NOTCH2NLA: variants seen among roughly 807,000 people sequenced by gnomAD.
NOTCH2NLA encodes notch homolog 2 N-terminal-like protein A.
At chr1:146,229,016 G>C (rs781922162) in exon 1 of NOTCH2NLA, 98 of 1,339,102 alleles carry the variant, frequency 7.3e-5, no homozygotes, top group South Asian at 4.4e-4. Context: ...AAACTTTCTC[G>C]GGTGTGCAGC....
intron 3 of NOTCH2NLA, among the ~76,000 whole-genome samples, chr1:146,158,091 A>C (rs1197692647): frequency 1.3e-5 from 2 of 151,384 alleles, no homozygotes; most frequent in Non-Finnish European, 2.9e-5. Flanking sequence ...TGGTATTCAC[A>C]TGGCTGGCTT....
At chr1:146,220,182 T>C (rs61814557) in intron 1 of NOTCH2NLA, among the ~76,000 whole-genome samples, 3 of 1,466 alleles carry the variant, frequency 2.0e-3, no homozygotes, top group Non-Finnish European at 2.5e-3. Context: ...TTACTTACTT[T>C]AAATAGTAAC....
chr1:146,207,819 T>C (rs1375453643), intron 1 of NOTCH2NLA, among the ~76,000 whole-genome samples: 3 of 83,666 alleles, frequency 3.6e-5, no homozygotes, highest in African/African-American at 1.3e-4. Flanking sequence ...CACTTTCTTT[T>C]TTTTTTTTTT....
rs1167011767 is a variant in NOTCH2NLA, at chr1:146,187,530, C to T, written c.38+1770G>A. On this transcript the variant is annotated intron_variant, in intron 2 of 4. Coordinates refer to ENST00000362074, the Ensembl canonical transcript of NOTCH2NLA. ...ATAAGAAACATGTGCATGACGGTATCTACTTAGCACCTTTTAGTTTAAGAA... is the reference window on the plus strand; with the variant it reads ...ATAAGAAACATGTGCATGACGGTATTTACTTAGCACCTTTTAGTTTAAGAA... 1.5e-5 allele frequency among the ~76,000 whole-genome samples: 2 copies of T among 135,838 alleles called. 1 individual carries two copies. The highest frequency in any genetic ancestry group is 4.1e-4 in the East Asian group (2 of 4,926). The allele number at this position is 135,838 out of a possible 152,430, so 89.1% of individuals were successfully genotyped here. A position where few individuals can be genotyped will look rare whatever the true frequency, so the allele number is the denominator to read the frequency against.
intron 3 of NOTCH2NLA, among the ~76,000 whole-genome samples, chr1:146,159,595 C>T (rs28753684): frequency 7.2e-6 from 1 of 138,074 alleles, no homozygotes; most frequent in Non-Finnish European, 1.6e-5. Context: ...TGAGGTATAG[C>T]GCTATCACAA....
chr1:146,228,947 C>G (rs782405446), exon 1 of NOTCH2NLA: 2 of 1,445,880 alleles, frequency 1.4e-6, no homozygotes, highest in Non-Finnish European at 1.8e-6. Context: ...CTCGACTCCC[C>G]GCGCCCCGAG....
At position 146,186,006 on chromosome 1, in the gene NOTCH2NLA, T is replaced by A. The variant is rs587629810; in HGVS notation, c.38+3294A>T. ...AGGTACACATTATTTTTGCATAAAA[T>A]TTTGCTTAAAATTCTGTGGAGGCTG... On this transcript the variant is annotated intron_variant, in intron 2 of 4. Coordinates refer to ENST00000362074, the Ensembl canonical transcript of NOTCH2NLA. 2.4e-4 allele frequency among the ~76,000 whole-genome samples: 33 copies of A among 135,742 alleles called. 1 individual carries two copies. In the East Asian group the frequency reaches 5.7e-3, roughly 23 times the overall value. The allele number at this position is 135,742 out of a possible 152,430, so 89.1% of individuals were successfully genotyped here.
intron 2 of NOTCH2NLA, among the ~76,000 whole-genome samples, chr1:146,180,296 G>T (rs1372603881): frequency 7.0e-6 from 1 of 143,114 alleles, no homozygotes; most frequent in African/African-American, 2.4e-5. Context: ...AAACTGGATA[G>T]AATGCTATAG....
intron 1 of NOTCH2NLA, among the ~76,000 whole-genome samples, chr1:146,200,466 C>T (rs1291749458): frequency 4.5e-5 from 1 of 22,398 alleles, no homozygotes; most frequent in Non-Finnish European, 8.4e-5. Flanking sequence ...TATTCCTGAA[C>T]TTCAATTTTT....
rs1315807735 is a variant in NOTCH2NLA at position 146,200,263 on chromosome 1, CA to C, written c.-44-10883del. 1.0e-3 allele frequency among the ~76,000 whole-genome samples: 25 copies of C among 24,820 alleles called. 2 individuals are homozygous for C. In the South Asian group the frequency reaches 0.031, roughly 31 times the overall value. The allele number at this position is 24,820 out of a possible 152,430, so 16.3% of individuals were successfully genotyped here. On this transcript the variant is annotated intron_variant, in intron 1 of 4. Transcript: ENST00000362074. ...TGAAACCCCATCTCTACTAAAAGTA[CA>C]AAAAAAAAATTAGCTGGGCATGGTG...
intron 2 of NOTCH2NLA, among the ~76,000 whole-genome samples, chr1:146,174,672 C>G (rs1306254334): frequency 3.5e-5 from 5 of 143,872 alleles, no homozygotes; most frequent in African/African-American, 4.9e-5. Flanking sequence ...GCAGAAAATT[C>G]TTTAAACAGA....
At chr1:146,188,070 TG>T (rs1421601997) in intron 2 of NOTCH2NLA, among the ~76,000 whole-genome samples, 1 of 128,060 alleles carries the variant, frequency 7.8e-6, no homozygotes, top group Non-Finnish European at 1.8e-5. Context: ...CAGATCTCAC[TG>T]GAAAAAAGTT....
chr1:146,176,596 T>TAAA (rs1486405530), intron 2 of NOTCH2NLA, among the ~76,000 whole-genome samples: 3 of 138,710 alleles, frequency 2.2e-5, no homozygotes, highest in Non-Finnish European at 5.0e-5. Context: ...CTCTCCTTTA[T>TAAA]GCGCTATACT....
chr1:146,187,785 A>C (rs1434744744), intron 2 of NOTCH2NLA, among the ~76,000 whole-genome samples: 1 of 136,588 alleles, frequency 7.3e-6, no homozygotes, highest in African/African-American at 2.5e-5. Context: ...CTAAGGTATT[A>C]AGTTCCCTCC....
chr1:146,195,116 A>T (rs1663114981), intron 1 of NOTCH2NLA, among the ~76,000 whole-genome samples: 2 of 109,822 alleles, frequency 1.8e-5, no homozygotes, highest in Non-Finnish European at 1.9e-5. Flanking sequence ...CTGCTTTTTC[A>T]CTTTTAAGTT....
intron 2 of NOTCH2NLA, among the ~76,000 whole-genome samples, chr1:146,173,130 G>T (rs1323612047): frequency 6.8e-6 from 1 of 147,150 alleles, no homozygotes; most frequent in Non-Finnish European, 1.5e-5. Flanking sequence ...GTTTCCTAAG[G>T]CAGGAGATCT....
intron 1 of NOTCH2NLA, among the ~76,000 whole-genome samples, chr1:146,200,438 A>AAAAT (rs1260352404): frequency 2.0e-4 from 4 of 19,842 alleles, no homozygotes; most frequent in African/African-American, 6.1e-4. Context: ...AAAAAAAAAA[A>AAAAT]ATATATATAT....
rs1351139116 is a variant in NOTCH2NLA, at chr1:146,174,574, G to A, written c.39-9564C>T. Among the ~76,000 whole-genome samples the A allele has an allele frequency of 7.7e-5, 11 of 143,360 alleles. No homozygotes were observed. The East Asian group carries it at 2.2e-3, about 28-fold the overall frequency. 94.0% of individuals were successfully genotyped at this position (143,360 alleles called of 152,430 possible). Reference sequence around the variant, plus strand: ...AAAACTATACAGAATGTGGAACGAAGGGGAAAAAAAAGTCTCATGTGGGTT... The same window carrying A: ...AAAACTATACAGAATGTGGAACGAAAGGGAAAAAAAAGTCTCATGTGGGTT... On this transcript the variant is annotated intron_variant, in intron 2 of 4. Transcript: ENST00000362074.
intron 3 of NOTCH2NLA, among the ~76,000 whole-genome samples, chr1:146,159,604 A>G (rs1571266394): frequency 7.4e-6 from 1 of 135,150 alleles, no homozygotes; most frequent in South Asian, 2.7e-4. Context: ...GCGCTATCAC[A>G]AAAACCAAAA....
Sources: allele counts gnomAD v4.1 joint callset (sites outside exome capture counted in the v4.1 genomes callset), GRCh38; gene constraint gnomAD v4.1.1; transcripts MANE v1.5; gene names NCBI Gene and HGNC (gene_info 2026-07-23, HGNC 2026-07-21).